The following RIC1 variants were observed in gnomAD, a reference collection of about 807,000 sequenced individuals.
RIC1 encodes the protein RIC1 partner of RAB6A GEF complex.
RIC1 carries 88 observed loss-of-function variants against 169.0 expected under a neutral mutation model. The ratio of observed to expected loss-of-function variants is 0.52; its 90% CI spans 0.44 to 0.62. The LOEUF (loss-of-function observed/expected upper bound fraction) is 0.62, where lower values mean the gene tolerates loss of function less well. Ranked by LOEUF, RIC1 falls within the 20% of genes least tolerant of loss-of-function variation. RIC1 has a pLI of 0.00. For missense variants in RIC1, 1,877 were observed against 1,725.5 expected (o/e 1.09, Z -1.56); for synonymous variants, 790 against 601.5 (o/e 1.31, Z -4.59).
chr9:5,639,483 A>T (rs1035460825), intron 1 of RIC1, among the ~76,000 whole-genome samples: 8 of 152,190 alleles, frequency 5.3e-5, no homozygotes, highest in African/African-American at 1.9e-4. Context: ...GTTTTTTTGA[A>T]TATTTTAAGA....
At chr9:5,637,855 CATCT>C (rs1254291587) in intron 1 of RIC1, among the ~76,000 whole-genome samples, 1 of 152,136 alleles carries the variant, frequency 6.6e-6, no homozygotes, top group Non-Finnish European at 1.5e-5. Context: ...TTTATCCATC[CATCT>C]GTTGATGGAC....
At position 5,754,894 on chromosome 9, in the gene RIC1, C is replaced by A. The variant is rs192475946; in HGVS notation, c.1656C>A (p.Val552=). The A allele has an allele frequency of 6.6e-4, 1,042 of 1,571,104 alleles. 12 individuals carry two copies. The Admixed American group carries it at 0.016, about 25-fold the overall frequency. ...TAGCCTGGTGGAATGATTTTATGGTCCTTGCGTGTTATAACATAAATGACC... is the reference window on the plus strand; with the variant it reads ...TAGCCTGGTGGAATGATTTTATGGTACTTGCGTGTTATAACATAAATGACC... The part of the protein sequence containing the change: ...GGLAWWNDFM[V]LACYNINDRQ... Residue 552 remains valine, a synonymous_variant, in exon 15 of 26, where the codon GTC becomes GTA. Transcript: ENST00000414202.
chr9:5,719,523 A>G (rs1399154435), intron 4 of RIC1: 2 of 152,264 alleles, frequency 1.3e-5, no homozygotes, highest in African/African-American at 2.4e-5. Context: ...AGGCTCAGTA[A>G]ATGTTTGTAG....
At chr9:5,691,008 T>G (rs1196841418) in intron 3 of RIC1, among the ~76,000 whole-genome samples, 1 of 151,890 alleles carries the variant, frequency 6.6e-6, no homozygotes, top group Non-Finnish European at 1.5e-5. Context: ...TTTTAATAAT[T>G]AAAGAATTAT....
chr9:5,686,873 A>C (rs1435935716), intron 2 of RIC1, among the ~76,000 whole-genome samples: 1 of 152,148 alleles, frequency 6.6e-6, no homozygotes, highest in Non-Finnish European at 1.5e-5. Flanking sequence ...TGAGATAGGA[A>C]GTGGTTCCTT....
Position 5,741,809 on chromosome 9 carries a change from G to A in RIC1, c.902-1060G>A, listed in dbSNP as rs1010777230. ...GTCTTGATTCTTTGTGTTCTTGCTC[G>A]TTTGTGTGTGTATTTTAGGATTTTT... On this transcript the variant is annotated intron_variant, in intron 8 of 25. Coordinates refer to ENST00000414202, the MANE Select transcript of RIC1 (RefSeq NM_020829.4). Among the ~76,000 whole-genome samples the A allele has an allele frequency of 1.6e-4, 24 of 152,076 alleles. 1 individual carries two copies. The highest frequency in any genetic ancestry group is 5.8e-4 in the East Asian group (3 of 5,190).
At chr9:5,734,858 G>T (rs987441830) in intron 7 of RIC1, among the ~76,000 whole-genome samples, 6 of 152,058 alleles carry the variant, frequency 3.9e-5, no homozygotes, top group Admixed American at 6.6e-5. Flanking sequence ...CTTTGCTGTT[G>T]ACATACTTTT....
intron 17 of RIC1, among the ~76,000 whole-genome samples, chr9:5,758,006 A>G (rs1288458955): frequency 6.6e-6 from 1 of 152,176 alleles, no homozygotes; most frequent in African/African-American, 2.4e-5. Flanking sequence ...TATAATGTTT[A>G]CTGTAAGGAG....
Position 5,756,420 on chromosome 9 carries a change from G to A in RIC1, c.1853+48G>A, listed in dbSNP as rs564893803. 1.7e-5 allele frequency: 21 copies of A among 1,238,270 alleles called. No individual in the cohort carries two copies. In the South Asian group the frequency reaches 1.9e-4, roughly 11 times the overall value. The allele number at this position is 1,238,270 out of a possible 1,614,324, so 76.7% of individuals were successfully genotyped here. A position where few individuals can be genotyped will look rare whatever the true frequency, so the allele number is the denominator to read the frequency against. ...GTCACTTTTTGCTCCTATTTACCAC[G>A]TTTCTCTTTTGTAGTTTTTGTTTTC... On this transcript the variant is annotated intron_variant, in intron 16 of 25. Coordinates refer to ENST00000414202, the MANE Select transcript of RIC1 (RefSeq NM_020829.4).
Position 5,684,079 on chromosome 9 carries a change from C to T in RIC1, c.253-5880C>T, listed in dbSNP as rs572249763. On this transcript the variant is annotated intron_variant, in intron 2 of 25. Transcript: ENST00000414202. ...TTGACTAGGAAAGGGAATTCCCTGA[C>T]CCCTTGCGCTTCCCAGGTGAGGTGA... 3.3e-5 allele frequency among the ~76,000 whole-genome samples: 5 copies of T among 152,280 alleles called. No homozygotes were observed. In the South Asian group the frequency reaches 1.0e-3, roughly 32 times the overall value.
chr9:5,743,736 TG>T lies in RIC1; in HGVS notation c.1095+1del. ...TKKDPLKINS[M>X]SWGAEGYHLW... The stretch of plus-strand genomic sequence containing the variant: ...AAAGATCCCCTTAAGATCAACTCTA[TG>T]GTAAGTACTTTCTATAAAAAATTGG... On this transcript the variant is annotated frameshift_variant and splice_region_variant, in exon 10 of 26. Transcript: ENST00000414202. LOFTEE classifies it high-confidence loss of function. The T allele has an allele frequency of 6.2e-7, 1 of 1,603,544 alleles. No homozygotes were observed. Among genetic ancestry groups the T allele is most frequent in the Non-Finnish European group, 8.5e-7 (1 of 1,173,258 alleles).
chr9:5,710,051 C>T (rs1822843404), intron 3 of RIC1, among the ~76,000 whole-genome samples: 1 of 152,144 alleles, frequency 6.6e-6, no homozygotes, highest in South Asian at 2.1e-4. Flanking sequence ...CTAGAGGTAT[C>T]TCCAACCCTT....
At chr9:5,688,108 G>A (rs1305828198) in intron 2 of RIC1, among the ~76,000 whole-genome samples, 1 of 152,128 alleles carries the variant, frequency 6.6e-6, no homozygotes, top group Non-Finnish European at 1.5e-5. Context: ...TTCACATTTG[G>A]AACATTATGA....
At chr9:5,684,894 A>G (rs1420971176) in intron 2 of RIC1, among the ~76,000 whole-genome samples, 4 of 152,158 alleles carry the variant, frequency 2.6e-5, no homozygotes, top group Non-Finnish European at 4.4e-5. Flanking sequence ...AATTTTGTCT[A>G]ATGCTTTTAA....
chr9:5,717,016 G>C (rs890454522), intron 4 of RIC1, among the ~76,000 whole-genome samples: 1 of 152,010 alleles, frequency 6.6e-6, no homozygotes, highest in African/African-American at 2.4e-5. Flanking sequence ...TAAATGAGAA[G>C]GATATATCTA....
chr9:5,733,153 TTAAA>T (rs1824474122), intron 7 of RIC1, among the ~76,000 whole-genome samples: 1 of 151,846 alleles, frequency 6.6e-6, no homozygotes, highest in Admixed American at 6.6e-5. Flanking sequence ...AAACTCTTTC[TTAAA>T]TAAAAAATCC....
At chr9:5,752,636 A>T (rs963911384) in intron 12 of RIC1, among the ~76,000 whole-genome samples, 2 of 152,078 alleles carry the variant, frequency 1.3e-5, no homozygotes, top group African/African-American at 2.4e-5. Context: ...AGATTTCGCC[A>T]TGTTGGTCAG....
rs145407258 is a variant in RIC1 at position 5,736,422 on chromosome 9, G to A, written c.813-2028G>A. Among the ~76,000 whole-genome samples the A allele has an allele frequency of 5.6e-4, 86 of 152,326 alleles. 1 individual carries two copies. The East Asian group carries it at 0.013, about 24-fold the overall frequency. The stretch of plus-strand genomic sequence containing the variant: ...CAAGGGACAGTGATTTCTGAAAGAT[G>A]AGAAACAAAATTATCTCTCTGTAAC... On this transcript the variant is annotated intron_variant, in intron 7 of 25. Coordinates refer to ENST00000414202, the MANE Select transcript of RIC1 (RefSeq NM_020829.4).
intron 1 of RIC1, among the ~76,000 whole-genome samples, chr9:5,646,345 G>A (rs1437268784): frequency 6.6e-6 from 1 of 152,064 alleles, no homozygotes; most frequent in Non-Finnish European, 1.5e-5. Flanking sequence ...ATACAGTTAT[G>A]CTCCATGTAA....
Sources: gnomAD v4.1 joint callset for allele counts (sites outside exome capture counted in the v4.1 genomes callset) on GRCh38, gnomAD v4.1.1 for gene constraint, MANE v1.5 for transcripts, NCBI Gene and HGNC (gene_info 2026-07-23, HGNC 2026-07-21) for gene names.